The following CHCHD6 variants were observed in gnomAD, a reference collection of about 807,000 sequenced individuals.
The protein encoded by CHCHD6 is coiled-coil-helix-coiled-coil-helix domain containing 6, also known as MICOS complex subunit MIC25.
CHCHD6 carries 28 observed loss-of-function variants against 32.3 expected under a neutral mutation model. That is an observed-to-expected ratio of 0.87 (90% CI 0.64 to 1.19). The LOEUF (loss-of-function observed/expected upper bound fraction) is 1.19. CHCHD6 is among the 50% of genes most tolerant of loss of function. The pLI is 0.00. For synonymous variants in CHCHD6, 122 were observed against 117.5 expected, an observed-to-expected ratio of 1.04 and a Z score of -0.25; for missense variants, 333 against 307.0, an observed-to-expected ratio of 1.08 and a Z score of -0.63.
intron 4 of CHCHD6, among the ~76,000 whole-genome samples, chr3:126,752,827 A>G (rs1397885894): frequency 6.6e-6 from 1 of 152,124 alleles, no homozygotes; most frequent in Non-Finnish European, 1.5e-5. Context: ...GATCCAGAAA[A>G]ATGTAAAGAA....
At chr3:126,785,411 A>C (rs1333757441) in intron 4 of CHCHD6, among the ~76,000 whole-genome samples, 3 of 152,226 alleles carry the variant, frequency 2.0e-5, no homozygotes, top group Non-Finnish European at 4.4e-5. Context: ...CTTCAAACAC[A>C]TGAACATTTT....
chr3:126,807,297 G>A (rs116649841), intron 4 of CHCHD6, among the ~76,000 whole-genome samples: 3,103 of 151,962 alleles, frequency 0.02, 44 homozygotes, highest in Non-Finnish European at 0.033. Context: ...CAGAGGAGCA[G>A]AAGAAAAAGT....
At chr3:126,930,662 A>AAGCCTCAGTTT (rs2078390797) in intron 6 of CHCHD6, among the ~76,000 whole-genome samples, 1 of 152,146 alleles carries the variant, frequency 6.6e-6, no homozygotes, top group Non-Finnish European at 1.5e-5. Context: ...AACTCCCTCT[A>AAGCCTCAGTTT]AGCCTCAGTT....
chr3:126,821,777 T>A (rs1940167422), intron 4 of CHCHD6, among the ~76,000 whole-genome samples: 1 of 150,804 alleles, frequency 6.6e-6, no homozygotes, highest in Non-Finnish European at 1.5e-5. Context: ...GTAGTGAGTG[T>A]GAAGTGGTAT....
At chr3:126,735,561 C>T (rs1163752504) in intron 4 of CHCHD6, among the ~76,000 whole-genome samples, 2 of 140,144 alleles carry the variant, frequency 1.4e-5, no homozygotes, top group Non-Finnish European at 3.2e-5. Flanking sequence ...ATTGTAATTC[C>T]TCTGTGGAAG....
chr3:126,844,057 C>A (rs575272406), intron 4 of CHCHD6, among the ~76,000 whole-genome samples: 1 of 152,132 alleles, frequency 6.6e-6, no homozygotes, highest in African/African-American at 2.4e-5. Context: ...GGGTGTCTTA[C>A]AATTTCTAAT....
At chr3:126,818,454 G>C (rs1251963363) in intron 4 of CHCHD6, among the ~76,000 whole-genome samples, 2 of 152,060 alleles carry the variant, frequency 1.3e-5, no homozygotes, top group African/African-American at 4.8e-5. Context: ...CCTTTCATTT[G>C]TTTGTTACCT....
intron 5 of CHCHD6, among the ~76,000 whole-genome samples, chr3:126,907,617 CTGT>C (rs1161534988): frequency 6.6e-6 from 1 of 152,180 alleles, no homozygotes; most frequent in Non-Finnish European, 1.5e-5. Context: ...GATAATTAGG[CTGT>C]TGAGTTCCAA....
At chr3:126,955,162 C>G (rs1304959347) in intron 6 of CHCHD6, among the ~76,000 whole-genome samples, 1 of 152,262 alleles carries the variant, frequency 6.6e-6, no homozygotes, top group Non-Finnish European at 1.5e-5. Context: ...CTAGACACAC[C>G]CATGTCACAG....
chr3:126,704,753 G>T (rs1383975126), intron 1 of CHCHD6, among the ~76,000 whole-genome samples: 1 of 152,188 alleles, frequency 6.6e-6, no homozygotes, highest in South Asian at 2.1e-4. Flanking sequence ...CGCGCATCTC[G>T]TTCTGGGTAC....
chr3:126,835,467 C>T (rs988566186), intron 4 of CHCHD6, among the ~76,000 whole-genome samples: 1 of 152,202 alleles, frequency 6.6e-6, no homozygotes, highest in African/African-American at 2.4e-5. Context: ...GTCTGAAGTG[C>T]CATCAGAGTG....
intron 4 of CHCHD6, among the ~76,000 whole-genome samples, chr3:126,748,431 C>A (rs1478072412): frequency 1.3e-5 from 2 of 152,014 alleles, no homozygotes; most frequent in Non-Finnish European, 2.9e-5. Context: ...CCCATCTCTA[C>A]TAAAAATACA....
rs1263949368 is a variant in CHCHD6 at position 126,733,920 on chromosome 3, C to A, written c.411+698C>A. 2.6e-5 allele frequency among the ~76,000 whole-genome samples: 4 copies of A among 152,138 alleles called. No individual in the cohort carries two copies. The East Asian group carries it at 7.7e-4, about 29-fold the overall frequency. ...GTGGCTCACTAGCATCATCATGGAC[C>A]TGGTGCTTCTCTTCCTGCCACTCTG... On this transcript the variant is annotated intron_variant, in intron 4 of 7. Coordinates refer to ENST00000290913, the MANE Select transcript of CHCHD6 (RefSeq NM_032343.3).
At chr3:126,720,401 C>A (rs1487968327) in intron 1 of CHCHD6, among the ~76,000 whole-genome samples, 3 of 152,194 alleles carry the variant, frequency 2.0e-5, no homozygotes, top group Admixed American at 2.0e-4. Context: ...CCCTCAGGGG[C>A]CTGGTGCATT....
chr3:126,957,708 C>T, intron 7 of CHCHD6, 157 bp downstream of exon 7: 1 of 858,916 alleles, frequency 1.2e-6, no homozygotes, highest in South Asian at 1.5e-5. Flanking sequence ...TCTTCGCTTT[C>T]CTCAGTCACC....
rs1023093933 is a variant in CHCHD6, at chr3:126,789,354, T to G, written c.411+56132T>G. 3.9e-5 allele frequency among the ~76,000 whole-genome samples: 6 copies of G among 151,988 alleles called. 1 individual carries two copies. In the South Asian group the frequency reaches 8.3e-4, roughly 21 times the overall value. On this transcript the variant is annotated intron_variant, in intron 4 of 7. Transcript: ENST00000290913. Reference sequence around the variant, plus strand: ...CTATTAGGTCCACTTGGTGCAGAGCTGAGTTCAATTCCTGGGTATCCTTGT... The same window carrying G: ...CTATTAGGTCCACTTGGTGCAGAGCGGAGTTCAATTCCTGGGTATCCTTGT...
At chr3:126,935,270 C>A in intron 6 of CHCHD6, 1 of 496,464 alleles carries the variant, frequency 2.0e-6, no homozygotes, top group Non-Finnish European at 2.6e-6. Context: ...TGAGAGCCTC[C>A]CTCCCTCAAG....
chr3:126,772,539 C>T (rs560942601), intron 4 of CHCHD6, among the ~76,000 whole-genome samples: 8 of 152,250 alleles, frequency 5.3e-5, no homozygotes, highest in African/African-American at 1.7e-4. Context: ...TCTGTTTTCT[C>T]TTAGATTAGG....
At chr3:126,943,073 C>T (rs1470836816) in intron 6 of CHCHD6, among the ~76,000 whole-genome samples, 2 of 152,188 alleles carry the variant, frequency 1.3e-5, no homozygotes, top group African/African-American at 4.8e-5. Context: ...TTTGCTCAAT[C>T]AGTGAACTTT....
Sources: gnomAD v4.1 joint callset for allele counts (sites outside exome capture counted in the v4.1 genomes callset) on GRCh38, gnomAD v4.1.1 for gene constraint, MANE v1.5 for transcripts, NCBI Gene and HGNC (gene_info 2026-07-23, HGNC 2026-07-21) for gene names.